Variants in IFT56 observed in about 807,000 individuals in gnomAD.
IFT56 encodes the protein intraflagellar transport 56.
At chr7:139,154,953 A>T in the IFT56 span, among the ~76,000 whole-genome samples, 1 of 151,710 alleles carries the variant, frequency 6.6e-6, no homozygotes, top group African/African-American at 2.4e-5. Flanking sequence ...CTTTAAATCC[A>T]TTCACATGGA....
the IFT56 span, among the ~76,000 whole-genome samples, chr7:139,157,139 CTTT>C: frequency 0.025 from 2,057 of 81,832 alleles, 14 homozygotes; most frequent in African/African-American, 0.062. Flanking sequence ...TCTTTAATTT[CTTT>C]TTTTTTTTTT....
chr7:139,159,203 A>G, the IFT56 span, among the ~76,000 whole-genome samples: 1 of 152,188 alleles, frequency 6.6e-6, no homozygotes, highest in East Asian at 1.9e-4. Context: ...AATGTTTGGT[A>G]GAACTTATTG....
At chr7:139,133,883 G>A in the IFT56 span, 3 of 1,614,072 alleles carry the variant, frequency 1.9e-6, no homozygotes, top group Non-Finnish European at 2.5e-6. Context: ...GAATAGTAAG[G>A]GAGTACTTTG....
the IFT56 span, among the ~76,000 whole-genome samples, chr7:139,165,487 A>C: frequency 6.7e-6 from 1 of 150,184 alleles, no homozygotes; most frequent in African/African-American, 2.5e-5. Context: ...TTTATTCTCT[A>C]TCCATTCTTT....
the IFT56 span, among the ~76,000 whole-genome samples, chr7:139,150,860 A>G: frequency 6.6e-6 from 1 of 152,248 alleles, no homozygotes; most frequent in Non-Finnish European, 1.5e-5. Context: ...GCAAATGCAG[A>G]TCTCAAACTT....
the IFT56 span, among the ~76,000 whole-genome samples, chr7:139,153,549 C>A: frequency 5.9e-5 from 9 of 152,032 alleles, no homozygotes; most frequent in East Asian, 1.4e-3. Context: ...TATTTGCCTG[C>A]TCTGGATATT....
chr7:139,140,151 A>G, the IFT56 span: 1 of 536,128 alleles, frequency 1.9e-6, no homozygotes, highest in Non-Finnish European at 3.2e-6. Flanking sequence ...CTCAAAGAAT[A>G]TTGGATTTGA....
At chr7:139,179,933 T>G in the IFT56 span, among the ~76,000 whole-genome samples, 1 of 152,312 alleles carries the variant, frequency 6.6e-6, no homozygotes, top group African/African-American at 2.4e-5. Flanking sequence ...TTCCAGAGTC[T>G]CAGTTTATAG....
the IFT56 span, chr7:139,189,506 C>G: frequency 1.4e-5 from 14 of 1,034,702 alleles, no homozygotes; most frequent in African/African-American, 1.9e-4. Context: ...CCAGTTTAAT[C>G]TGTGATACAG....
chr7:139,144,243 AT>A, the IFT56 span, among the ~76,000 whole-genome samples: 1 of 151,406 alleles, frequency 6.6e-6, no homozygotes, highest in Non-Finnish European at 1.5e-5. Flanking sequence ...TTTTTAAAGG[AT>A]TTTTTTCTCA....
At chr7:139,163,440 G>A in the IFT56 span, among the ~76,000 whole-genome samples, 1 of 152,166 alleles carries the variant, frequency 6.6e-6, no homozygotes, top group African/African-American at 2.4e-5. Context: ...TGGAGCAAGA[G>A]GACAGAAAAG....
At chr7:139,184,065 C>T in the IFT56 span, among the ~76,000 whole-genome samples, 14 of 152,312 alleles carry the variant, frequency 9.2e-5, no homozygotes, top group Non-Finnish European at 1.3e-4. Flanking sequence ...AGAAAACCTA[C>T]GTGCTCCCTT....
chr7:139,155,773 G>T, the IFT56 span, among the ~76,000 whole-genome samples: 37,665 of 151,762 alleles, frequency 0.25, 8,438 homozygotes, highest in African/African-American at 0.57. Context: ...TGGTATTGGG[G>T]TAATACTAGC....
At chr7:139,163,266 C>G in the IFT56 span, among the ~76,000 whole-genome samples, 1 of 150,544 alleles carries the variant, frequency 6.6e-6, no homozygotes, top group Non-Finnish European at 1.5e-5. Flanking sequence ...GGTGTGAACC[C>G]GGGAGGCGAA....
At chr7:139,189,332 G>A in the IFT56 span, 6 of 1,607,548 alleles carry the variant, frequency 3.7e-6, no homozygotes, top group South Asian at 4.4e-5. Context: ...GAGACCCTTC[G>A]AGAAGTGCTC....
the IFT56 span, among the ~76,000 whole-genome samples, chr7:139,188,287 G>T: frequency 2.0e-5 from 3 of 151,694 alleles, no homozygotes; most frequent in South Asian, 6.3e-4. Context: ...TTTTAGTAGG[G>T]GCAGGGTTTC....
At chr7:139,173,795 C>T in the IFT56 span, 2 of 745,252 alleles carry the variant, frequency 2.7e-6, no homozygotes, top group East Asian at 4.9e-5. Context: ...CTAACCATTT[C>T]CTCCTGTTAA....
At chr7:139,186,656 G>T in the IFT56 span, among the ~76,000 whole-genome samples, 466 of 152,174 alleles carry the variant, frequency 3.1e-3, 7 homozygotes, top group East Asian at 8.7e-3. Context: ...GACCATCCTG[G>T]AGTTGAACAT....
chr7:139,185,536 G>T, the IFT56 span, among the ~76,000 whole-genome samples: 1 of 151,994 alleles, frequency 6.6e-6, no homozygotes, highest in Non-Finnish European at 1.5e-5. Context: ...AGACATAATA[G>T]AATATTTACA....
Sources: allele counts gnomAD v4.1 joint callset (sites outside exome capture counted in the v4.1 genomes callset), GRCh38; gene constraint gnomAD v4.1.1; transcripts MANE v1.5; gene names NCBI Gene and HGNC (gene_info 2026-07-23, HGNC 2026-07-21).